The following DPP6 variants were observed in gnomAD, a reference collection of about 807,000 sequenced individuals.
The protein encoded by DPP6 is A-type potassium channel modulatory protein DPP6.
A neutral mutation model predicts 122.6 loss-of-function variants in DPP6; 69 were observed. That is an observed-to-expected ratio of 0.56 (90% CI 0.46 to 0.69). The LOEUF (loss-of-function observed/expected upper bound fraction) is 0.69, where lower values mean the gene tolerates loss of function less well. Among genes scored for constraint, DPP6 ranks in the 30% least tolerant of loss-of-function variants. The pLI is 0.00. For missense variants in DPP6, 928 were observed against 1,116.9 expected (o/e 0.83, Z 2.41); for synonymous variants, 418 against 433.1 (o/e 0.97, Z 0.43).
chr7:154,737,421 C>T (rs1286930307), intron 8 of DPP6, among the ~76,000 whole-genome samples: 3 of 152,176 alleles, frequency 2.0e-5, no homozygotes, highest in Non-Finnish European at 4.4e-5. Context: ...TACCTAACAC[C>T]ATGCAAAGCC....
chr7:154,859,690 A>G (rs746312007), intron 17 of DPP6, among the ~76,000 whole-genome samples: 8 of 152,362 alleles, frequency 5.3e-5, no homozygotes, highest in Non-Finnish European at 1.2e-4. Context: ...GAAGGTAATT[A>G]TGGTTGGGAC....
chr7:154,154,449 A>G (rs554726368), intron 1 of DPP6, among the ~76,000 whole-genome samples: 34 of 152,328 alleles, frequency 2.2e-4, no homozygotes, highest in African/African-American at 8.2e-4. Context: ...CACCTTTCCC[A>G]TGTCAGATCT....
At chr7:154,169,020 A>C (rs1458875831) in intron 1 of DPP6, among the ~76,000 whole-genome samples, 1 of 152,194 alleles carries the variant, frequency 6.6e-6, no homozygotes, top group Non-Finnish European at 1.5e-5. Context: ...TGGCAAGAGC[A>C]AGGCTGGCCT....
intron 1 of DPP6, among the ~76,000 whole-genome samples, chr7:154,445,005 GC>G (rs1819734632): frequency 6.6e-6 from 1 of 152,036 alleles, no homozygotes. Flanking sequence ...GCCTATAATG[GC>G]CCCATGAATT....
chr7:154,681,624 A>T (rs184976937), intron 7 of DPP6, among the ~76,000 whole-genome samples: 1 of 152,184 alleles, frequency 6.6e-6, no homozygotes, highest in Non-Finnish European at 1.5e-5. Context: ...CGGTGCTGCC[A>T]AGAATTCTCC....
At chr7:154,763,330 T>G (rs1413518349) in intron 8 of DPP6, among the ~76,000 whole-genome samples, 1 of 138,288 alleles carries the variant, frequency 7.2e-6, no homozygotes, top group East Asian at 2.1e-4. Context: ...AGACTCCATC[T>G]CAAAAAAAGG....
intron 3 of DPP6, among the ~76,000 whole-genome samples, chr7:154,511,481 A>G (rs549483763): frequency 6.6e-6 from 1 of 152,344 alleles, no homozygotes; most frequent in South Asian, 2.1e-4. Context: ...TTTATTTAGT[A>G]GTAACACTTT....
chr7:154,295,665 C>G (rs1805491059), intron 1 of DPP6, among the ~76,000 whole-genome samples: 1 of 152,084 alleles, frequency 6.6e-6, no homozygotes, highest in Non-Finnish European at 1.5e-5. Context: ...TAATCCACTC[C>G]CCTTCCCCTC....
chr7:153,914,248 C>A lies in DPP6; in HGVS notation c.51+26514C>A, dbSNP rs544454868. Among the ~76,000 whole-genome samples, 23 of 152,260 alleles carry A rather than the reference C, an allele frequency of 1.5e-4. No individual in the cohort carries two copies. In the South Asian group the frequency reaches 2.5e-3, roughly 16 times the overall value. On this transcript the variant is annotated intron_variant, in intron 1 of 25. Coordinates refer to the DPP6 transcript ENST00000404039. ...CCATGGAAGACGTGCCTTTTGCCTTCTGCCATGATTGTGAGCCCTCCCCAG... is the reference window on the plus strand; with the variant it reads ...CCATGGAAGACGTGCCTTTTGCCTTATGCCATGATTGTGAGCCCTCCCCAG...
chr7:154,883,196 C>T (rs1036398143), intron 21 of DPP6, among the ~76,000 whole-genome samples: 1 of 150,474 alleles, frequency 6.6e-6, no homozygotes, highest in African/African-American at 2.5e-5. Flanking sequence ...CACATACACG[C>T]TCACACATAC....
At chr7:154,504,155 C>T (rs1180809862) in intron 3 of DPP6, among the ~76,000 whole-genome samples, 1 of 151,640 alleles carries the variant, frequency 6.6e-6, no homozygotes, top group Non-Finnish European at 1.5e-5. Context: ...GAAACAGTGC[C>T]CTCTAGTGGC....
At chr7:153,994,206 C>G (rs1358856770) in intron 1 of DPP6, among the ~76,000 whole-genome samples, 1 of 151,536 alleles carries the variant, frequency 6.6e-6, no homozygotes, top group Admixed American at 6.6e-5. Context: ...CTCCAAAGAA[C>G]AAAGCTACAA....
At chr7:153,890,464 AG>A (rs1046853396) in intron 1 of DPP6, among the ~76,000 whole-genome samples, 1 of 152,194 alleles carries the variant, frequency 6.6e-6, no homozygotes, top group African/African-American at 2.4e-5. Context: ...TGGTGACAAT[AG>A]CCTCCCGGCT....
At chr7:154,155,631 G>A (rs965995962) in intron 1 of DPP6, among the ~76,000 whole-genome samples, 2 of 152,188 alleles carry the variant, frequency 1.3e-5, no homozygotes, top group African/African-American at 4.8e-5. Flanking sequence ...CAGTTCCTAT[G>A]TAGAAACTGG....
At chr7:154,339,769 T>C (rs940367876) in intron 1 of DPP6, among the ~76,000 whole-genome samples, 2 of 152,200 alleles carry the variant, frequency 1.3e-5, no homozygotes, top group African/African-American at 4.8e-5. Flanking sequence ...TCTGCTGTTA[T>C]GTGAGCAGTA....
At chr7:153,793,744 C>T in the DPP6 span, among the ~76,000 whole-genome samples, 2 of 151,330 alleles carry the variant, frequency 1.3e-5, no homozygotes, top group Admixed American at 1.3e-4. Flanking sequence ...TTTCCTGGGC[C>T]ACTTCCTCCC....
the DPP6 span, among the ~76,000 whole-genome samples, chr7:153,782,888 CA>C: frequency 6.6e-6 from 1 of 152,154 alleles, no homozygotes; most frequent in Non-Finnish European, 1.5e-5. Context: ...ACCAACTGGA[CA>C]AGAGAGCTGA....
chr7:154,803,716 G>A (rs1312084029), intron 13 of DPP6, 148 bp from the exon 14 acceptor site: 2 of 1,276,846 alleles, frequency 1.6e-6, no homozygotes, highest in African/African-American at 1.5e-5. Context: ...CCTCCCAGGA[G>A]AGGAGCAGGC....
chr7:154,040,196 T>G (rs1189670754), intron 1 of DPP6, among the ~76,000 whole-genome samples: 1 of 141,108 alleles, frequency 7.1e-6, no homozygotes. Flanking sequence ...CCAGTTGTTT[T>G]GCAAAGATAG....
Sources: allele counts gnomAD v4.1 joint callset (sites outside exome capture counted in the v4.1 genomes callset), GRCh38; gene constraint gnomAD v4.1.1; transcripts MANE v1.5; gene names NCBI Gene and HGNC (gene_info 2026-07-23, HGNC 2026-07-21).